The following PPARA variants were observed in gnomAD, a reference collection of about 807,000 sequenced individuals.
The protein encoded by PPARA is peroxisome proliferator activated receptor alpha, also known as peroxisome proliferator-activated receptor alpha.
Under a neutral mutation model 42.2 loss-of-function variants are expected in PPARA, and 22 were observed. The ratio of observed to expected loss-of-function variants is 0.52; its 90% confidence interval spans 0.37 to 0.74. The LOEUF (loss-of-function observed/expected upper bound fraction) is 0.74, where lower values mean the gene tolerates loss of function less well. Ranked by LOEUF, PPARA falls within the 30% of genes least tolerant of loss-of-function variation. The pLI, the probability that PPARA is intolerant of heterozygous loss-of-function variation, is 0.00. For missense variants in PPARA, 465 were observed against 608.2 expected, an observed-to-expected ratio of 0.76 and a Z score of 2.48; for synonymous variants, 242 against 239.3, an observed-to-expected ratio of 1.01 and a Z score of -0.10.
chr22:46,190,585 C>CTACAAAAA lies in PPARA; in HGVS notation c.-42-7747_-42-7740dup, dbSNP rs1287071199. Among the ~76,000 whole-genome samples, 1 of 152,082 alleles carries CTACAAAAA rather than the reference C, an allele frequency of 6.6e-6. No individual in the cohort carries two copies. Among genetic ancestry groups the CTACAAAAA allele is most frequent in the African/African-American group, 2.4e-5 (1 of 41,412 alleles). On this transcript the variant is annotated intron_variant, in intron 3 of 8. Coordinates refer to ENST00000407236, the MANE Select transcript of PPARA (RefSeq NM_005036.6). This position sits in a 1 kb window ranked among gnomAD's most constrained non-coding sequence, Gnocchi z 5.6. Reference sequence around the variant, plus strand: ...CTGGGCAACATAGTGAAACCTATCTCTACAAAAATACAAAAATTAGCTGGG... The same window carrying CTACAAAAA: ...CTGGGCAACATAGTGAAACCTATCTCTACAAAAATACAAAAATACAAAAATTAGCTGGG...
In PPARA at chr22:46,192,141, G is replaced by A. The variant is rs544477876; in HGVS notation, c.-42-6201G>A. Among the ~76,000 whole-genome samples, 1 of 152,354 alleles carries A rather than the reference G, an allele frequency of 6.6e-6. No homozygotes were observed. Among genetic ancestry groups the A allele is most frequent in the Non-Finnish European group, 1.5e-5 (1 of 68,026 alleles). ...ATTGTGCTAGAAGTATGGATGCAAA[G>A]ATTAGGTGAATATGTTCCCTAGCCT... On this transcript the variant is annotated intron_variant, in intron 3 of 8. Coordinates refer to ENST00000407236, the MANE Select transcript of PPARA (RefSeq NM_005036.6). The surrounding 1 kb of genome is among the most constrained non-coding windows in gnomAD (Gnocchi z 4.3).
At chr22:46,198,272 T>TA in intron 3 of PPARA, 70 bp from the exon 4 acceptor site, 1 of 568,922 alleles carries the variant, frequency 1.8e-6, no homozygotes, top group East Asian at 3.5e-5. Context: ...AAATAAATAA[T>TA]AAAAAATAAA....
chr22:46,192,335 C>T lies in PPARA; in HGVS notation c.-42-6007C>T, dbSNP rs1030576190. ...CATTTATAACTCATTTTAGCCTAAT[C>T]TTCCAAACAGTCACGCATCTAAGAG... On this transcript the variant is annotated intron_variant, in intron 3 of 8. Transcript: ENST00000407236. This position sits in a 1 kb window ranked among gnomAD's most constrained non-coding sequence, Gnocchi z 4.3. Among the ~76,000 whole-genome samples the T allele has an allele frequency of 1.1e-4, 17 of 152,210 alleles. No individual in the cohort carries two copies. The highest frequency in any genetic ancestry group is 4.1e-4 in the African/African-American group (17 of 41,452).
At position 46,167,230 on chromosome 22, in the gene PPARA, TATC is replaced by T. The variant is rs955131845; in HGVS notation, c.-126-9520_-126-9518del. The stretch of plus-strand genomic sequence containing the variant: ...CACAGCACTACAAACTCATAATTAT[TATC>T]ATTATATTATACTATTATGTAATAA... On this transcript the variant is annotated intron_variant, in intron 2 of 8. Transcript: ENST00000407236. The surrounding 1 kb of genome is among the most constrained non-coding windows in gnomAD (Gnocchi z 4.1). 3.8e-4 allele frequency among the ~76,000 whole-genome samples: 57 copies of T among 151,226 alleles called. No individual in the cohort carries two copies. Among genetic ancestry groups the T allele is most frequent in the African/African-American group, 1.3e-3 (52 of 41,242 alleles).
chr22:46,219,671 C>A lies in PPARA; in HGVS notation c.509-141C>A. 1 of 805,662 alleles carries A rather than the reference C, an allele frequency of 1.2e-6. No homozygotes were observed. 49.9% of individuals were successfully genotyped at this position (805,662 alleles called of 1,614,324 possible). A position where few individuals can be genotyped will look rare whatever the true frequency, so the allele number is the denominator to read the frequency against. On this transcript the variant is annotated intron_variant, in intron 6 of 8. Transcript: ENST00000407236. This position sits in a 1 kb window ranked among gnomAD's most constrained non-coding sequence, Gnocchi z 4.8. The stretch of plus-strand genomic sequence containing the variant: ...TTTTCATCTCTCCATAGTGGAAAGC[C>A]GAATAGTAATGAAGGATGGGTCTGA...
chr22:46,169,581 G>A (rs986105318), intron 2 of PPARA, among the ~76,000 whole-genome samples: 5 of 151,712 alleles, frequency 3.3e-5, no homozygotes, highest in African/African-American at 1.2e-4. Flanking sequence ...GGAGTGAGGT[G>A]GTATATGAGA....
In PPARA at chr22:46,167,060, A is replaced by G. The variant is rs4253638; in HGVS notation, c.-126-9693A>G. 8.3e-3 allele frequency among the ~76,000 whole-genome samples: 1,264 copies of G among 152,162 alleles called. 18 individuals are homozygous for G. The highest frequency in any genetic ancestry group is 0.027 in the African/African-American group (1,124 of 41,500). On this transcript the variant is annotated intron_variant, in intron 2 of 8. Coordinates refer to ENST00000407236, the MANE Select transcript of PPARA (RefSeq NM_005036.6). This position sits in a 1 kb window ranked among gnomAD's most constrained non-coding sequence, Gnocchi z 4.1. ...CATTAGATGAATGGAACAGAATAGCAAGTCCAGAAATAGATCCACACATAT... is the reference window on the plus strand; with the variant it reads ...CATTAGATGAATGGAACAGAATAGCGAGTCCAGAAATAGATCCACACATAT...
intron 2 of PPARA, among the ~76,000 whole-genome samples, chr22:46,159,106 G>A (rs1335002676): frequency 6.6e-6 from 1 of 151,898 alleles, no homozygotes; most frequent in Non-Finnish European, 1.5e-5. Flanking sequence ...GGCCAGGCTG[G>A]GTCTCAAACT....
chr22:46,218,185 C>T (rs1488298608), intron 5 of PPARA, 78 bp from the exon 6 acceptor site: 5 of 1,559,804 alleles, frequency 3.2e-6, no homozygotes, highest in Non-Finnish European at 4.4e-6. Flanking sequence ...AAATGAGCAA[C>T]AAAAAAGGTG....
intron 2 of PPARA, among the ~76,000 whole-genome samples, chr22:46,158,142 C>T (rs1019845042): frequency 1.3e-5 from 2 of 152,100 alleles, no homozygotes; most frequent in African/African-American, 4.8e-5. Context: ...GGCGTGGAGG[C>T]TCACACCTGT....
Position 46,165,667 on chromosome 22 carries a change from GAGGACTGA to G in PPARA, c.-126-11083_-126-11076del, listed in dbSNP as rs1569188249. Among the ~76,000 whole-genome samples the G allele has an allele frequency of 6.6e-6, 1 of 152,076 alleles. No homozygotes were observed. The highest frequency in any genetic ancestry group is 2.4e-5 in the African/African-American group (1 of 41,396). On this transcript the variant is annotated intron_variant, in intron 2 of 8. Transcript: ENST00000407236. The surrounding 1 kb of genome is among the most constrained non-coding windows in gnomAD (Gnocchi z 5.5). ...GACCTGGAAACGGATCAGCGTAATC[GAGGACTGA>G]AGTCCAGTTCTAGCTACGCCCAGTC...
intron 3 of PPARA, among the ~76,000 whole-genome samples, chr22:46,178,519 G>T (rs1465218258): frequency 6.6e-6 from 1 of 152,170 alleles, no homozygotes; most frequent in African/African-American, 2.4e-5. Context: ...GACTTCCTCA[G>T]TTGACAAAAT....
In PPARA at chr22:46,218,677, T is replaced by G. The variant is rs892194840; in HGVS notation, c.508+276T>G. Among the ~76,000 whole-genome samples, 29 of 150,138 alleles carry G rather than the reference T, an allele frequency of 1.9e-4. 1 individual carries two copies. The highest frequency in any genetic ancestry group is 1.0e-4 in the Non-Finnish European group (7 of 67,688). On this transcript the variant is annotated intron_variant, in intron 6 of 8. Coordinates refer to ENST00000407236, the MANE Select transcript of PPARA (RefSeq NM_005036.6). ...GGTGAAACCCCGTCTCTACTAAGAATGCAAAAATTAGCTGGGTGTGGTGGC... is the reference window on the plus strand; with the variant it reads ...GGTGAAACCCCGTCTCTACTAAGAAGGCAAAAATTAGCTGGGTGTGGTGGC...
chr22:46,184,058 G>A lies in PPARA; in HGVS notation c.-43+7222G>A, dbSNP rs1930334941. Among the ~76,000 whole-genome samples the A allele has an allele frequency of 6.6e-6, 1 of 152,160 alleles. No individual in the cohort carries two copies. The highest frequency in any genetic ancestry group is 2.4e-5 in the African/African-American group (1 of 41,442). On this transcript the variant is annotated intron_variant, in intron 3 of 8. Transcript: ENST00000407236. This position sits in a 1 kb window ranked among gnomAD's most constrained non-coding sequence, Gnocchi z 4.4. ...CAGGAAGTGAGTTAATGCACATTAG[G>A]TTCTTATTTATGACAGTGCCTGGCA...
chr22:46,235,190 A>C lies in PPARA; in HGVS notation c.1217A>C (p.His406Pro), dbSNP rs759006484. The C allele has an allele frequency of 6.2e-7, 1 of 1,614,048 alleles. No homozygotes were observed. Among genetic ancestry groups the C allele is most frequent in the East Asian group, 2.2e-5 (1 of 44,878 alleles). Residue 406 changes from histidine (H) to proline (P), a missense_variant, in exon 9 of 9, where the codon CAT becomes CCT. His to Pro is a moderately conservative substitution (Grantham distance 77). Transcript: ENST00000407236. This position sits in a 1 kb window ranked among gnomAD's most constrained non-coding sequence, Gnocchi z 7.0. ...GAAAAAATGCAGGAGGGTATTGTAC[A>C]TGTGCTCAGACTCCACCTGCAGAGC... ...HIEKMQEGIV[H>P]VLRLHLQSNH...
In PPARA at chr22:46,235,490, G is replaced by C; in HGVS notation, c.*110G>C. ...ACAAATATCCACCACTTTAACCTTA[G>C]AGCTTGGACAGTCTGAGCTGTAGGT... On this transcript the variant is annotated 3_prime_UTR_variant, in exon 9 of 9. Transcript: ENST00000407236. This position sits in a 1 kb window ranked among gnomAD's most constrained non-coding sequence, Gnocchi z 7.0. 1 of 1,416,194 alleles carries C rather than the reference G, an allele frequency of 7.1e-7. No individual in the cohort carries two copies. Among genetic ancestry groups the C allele is most frequent in the Non-Finnish European group, 9.7e-7 (1 of 1,030,912 alleles). 87.7% of individuals were successfully genotyped at this position (1,416,194 alleles called of 1,614,324 possible). A position where few individuals can be genotyped will look rare whatever the true frequency, so the allele number is the denominator to read the frequency against.
intron 4 of PPARA, among the ~76,000 whole-genome samples, chr22:46,199,246 G>C (rs1307892307): frequency 1.3e-5 from 2 of 152,172 alleles, no homozygotes; most frequent in African/African-American, 4.8e-5. Flanking sequence ...GTTGGTAAGA[G>C]GGAAGGATGG....
rs1339173439 is a variant in PPARA, at chr22:46,200,612, G to A, written c.208+2021G>A. Among the ~76,000 whole-genome samples the A allele has an allele frequency of 6.6e-6, 1 of 152,202 alleles. No homozygotes were observed. Among genetic ancestry groups the A allele is most frequent in the African/African-American group, 2.4e-5 (1 of 41,468 alleles). ...GCAGTGTGTGACTATACAGAAATAA[G>A]CTCAGAGAAATTAAGTAACTTGGCT... On this transcript the variant is annotated intron_variant, in intron 4 of 8. Transcript: ENST00000407236. The surrounding 1 kb of genome is among the most constrained non-coding windows in gnomAD (Gnocchi z 4.8).
chr22:46,175,439 C>A (rs538542677), intron 2 of PPARA, among the ~76,000 whole-genome samples: 1 of 152,020 alleles, frequency 6.6e-6, no homozygotes, highest in African/African-American at 2.4e-5. Context: ...ATAGGCCGGG[C>A]GCGGTGGCTC....
Sources: allele counts gnomAD v4.1 joint callset (sites outside exome capture counted in the v4.1 genomes callset), GRCh38; gene constraint gnomAD v4.1.1; non-coding constraint Gnocchi (gnomAD v3.1); transcripts MANE v1.5; gene names NCBI Gene and HGNC (gene_info 2026-07-23, HGNC 2026-07-21).